DNAH3: variants seen among roughly 807,000 people sequenced by gnomAD.
DNAH3 encodes dynein axonemal heavy chain 3.
In DNAH3, 332 loss-of-function variants were observed where a neutral mutation model predicts 432.5. That is an observed-to-expected ratio of 0.77 (90% CI 0.70 to 0.84). The LOEUF is 0.84. DNAH3 is among the 40% of genes least tolerant of loss of function. The probability of loss-of-function intolerance (pLI) is 0.00; values close to 1 mark genes in which losing one functional copy is unlikely to be tolerated. For synonymous variants in DNAH3, 1,956 were observed against 1,900.2 expected, an observed-to-expected ratio of 1.03 and a Z score of -0.76; for missense variants, 4,861 against 5,114.0, an observed-to-expected ratio of 0.95 and a Z score of 1.51.
At chr16:21,138,899 A>G (rs1163138018) in intron 5 of DNAH3, among the ~76,000 whole-genome samples, 2 of 152,068 alleles carry the variant, frequency 1.3e-5, no homozygotes, top group Admixed American at 1.3e-4. Flanking sequence ...CCCTAAGCAC[A>G]TTGCTTAAAC....
chr16:21,085,059 G>A (rs545544516), intron 19 of DNAH3, among the ~76,000 whole-genome samples: 2 of 151,114 alleles, frequency 1.3e-5, no homozygotes, highest in South Asian at 2.1e-4. Context: ...CCTCCTCTGC[G>A]GATCCCTCTG....
chr16:21,151,321 G>GT (rs10578754), intron 1 of DNAH3, among the ~76,000 whole-genome samples: 2,336 of 128,360 alleles, frequency 0.018, 27 homozygotes, highest in African/African-American at 0.026. Flanking sequence ...GTTTTTCCCC[G>GT]TTTTTTTTTT....
intron 49 of DNAH3, among the ~76,000 whole-genome samples, chr16:20,981,251 T>C (rs907094589): frequency 6.6e-6 from 1 of 152,202 alleles, no homozygotes; most frequent in Non-Finnish European, 1.5e-5. Flanking sequence ...TTGGATGTCA[T>C]TGGAAATGAA....
At chr16:21,091,534 T>C (rs978238640) in intron 18 of DNAH3, among the ~76,000 whole-genome samples, 7 of 152,252 alleles carry the variant, frequency 4.6e-5, no homozygotes, top group African/African-American at 1.4e-4. Flanking sequence ...ATTAAAAGCA[T>C]AGCCCAGGCA....
chr16:20,941,430 GACGGT>G lies in DNAH3; in HGVS notation c.11620_11624del (p.Thr3874ProfsTer41). The G allele has an allele frequency of 6.2e-7, 1 of 1,613,974 alleles. No individual in the cohort carries two copies. The highest frequency in any genetic ancestry group is 8.5e-7 in the Non-Finnish European group (1 of 1,179,916). ...TGAATCTGATGAGCTCCTGCCTTAG[GACGGT>G]ATTCATGGATTCTTCATAGACCACG... On this transcript the variant is annotated frameshift_variant, in exon 59 of 62. Transcript: ENST00000261383. LOFTEE classifies it high-confidence loss of function.
rs199983612 is a variant in DNAH3 at position 21,145,309 on chromosome 16, C to T, written c.320G>A (p.Ser107Asn). 1.2e-4 allele frequency: 199 copies of T among 1,614,044 alleles called. 1 individual carries two copies. The highest frequency in any genetic ancestry group is 2.3e-5 in the Non-Finnish European group (27 of 1,180,042). The stretch of plus-strand genomic sequence containing the variant: ...GGAGTAGTTGTTGGCGATGGAATCA[C>T]TGGGTCCACGGTGGTGATGCTGTTC... Residue 107 changes from serine to asparagine, a missense_variant, in exon 3 of 62, where the codon AGT becomes AAT. Coordinates refer to ENST00000261383, the Ensembl canonical transcript of DNAH3.
At chr16:21,066,114 C>T (rs2090537738) in intron 24 of DNAH3, among the ~76,000 whole-genome samples, 1 of 151,974 alleles carries the variant, frequency 6.6e-6, no homozygotes, top group South Asian at 2.1e-4. Flanking sequence ...GCATAAGCCA[C>T]CGTGCTCAGT....
intron 30 of DNAH3, 33 bp downstream of exon 30, chr16:21,049,877 A>G (rs2089878837): frequency 6.4e-7 from 1 of 1,563,474 alleles, no homozygotes; most frequent in African/African-American, 1.4e-5. Context: ...GAGGGCCTGG[A>G]AGAGAGGGAG....
chr16:21,026,457 CTT>C (rs2088561087), intron 38 of DNAH3, among the ~76,000 whole-genome samples: 1 of 152,080 alleles, frequency 6.6e-6, no homozygotes, highest in Admixed American at 6.5e-5. Context: ...TAATTCCACA[CTT>C]TGGGAGGCTG....
At chr16:20,967,706 C>T (rs941539896) in intron 52 of DNAH3, among the ~76,000 whole-genome samples, 12 of 151,540 alleles carry the variant, frequency 7.9e-5, no homozygotes, top group Non-Finnish European at 4.4e-5. Flanking sequence ...CAGGATTTCA[C>T]CATGTTGGCC....
intron 27 of DNAH3, among the ~76,000 whole-genome samples, chr16:21,056,685 G>A (rs1220214110): frequency 1.3e-5 from 2 of 152,134 alleles, no homozygotes; most frequent in Admixed American, 6.5e-5. Context: ...GTCAACACCT[G>A]CTTCCTTTAG....
rs564366086 is a variant in DNAH3, at chr16:20,944,472, GC to G, written c.11511+23del. 1.1e-3 allele frequency: 1,808 copies of G among 1,612,948 alleles called. 21 individuals are homozygous for G. In the African/African-American group the frequency reaches 0.021, roughly 19 times the overall value. ...AGAACTGCCTGGGAAATAGGATTAA[GC>G]CCCCTTTCCCGAGCCCAGTTACCTG... On this transcript the variant is annotated intron_variant, in intron 58 of 61. Transcript: ENST00000261383.
At chr16:21,125,606 G>C (rs1028839918) in intron 8 of DNAH3, among the ~76,000 whole-genome samples, 1 of 152,210 alleles carries the variant, frequency 6.6e-6, no homozygotes, top group Admixed American at 6.5e-5. Flanking sequence ...CAAATGGAAA[G>C]GGGATATTGG....
chr16:21,088,379 T>A (rs1386355188), intron 18 of DNAH3, among the ~76,000 whole-genome samples: 1 of 152,136 alleles, frequency 6.6e-6, no homozygotes, highest in Non-Finnish European at 1.5e-5. Flanking sequence ...GTTCCCACTC[T>A]ATAGTTGTAA....
chr16:21,159,030 C>T (rs1217264068), intron 1 of DNAH3, among the ~76,000 whole-genome samples: 1 of 151,430 alleles, frequency 6.6e-6, no homozygotes, highest in Non-Finnish European at 1.5e-5. Flanking sequence ...ACACACACTA[C>T]CACTAGATTA....
rs749568373 is a variant in DNAH3 at position 21,054,513 on chromosome 16, C to T, written c.3946G>A (p.Asp1316Asn). ...AGCTGGACAATCTGCGCAATCTGAT[C>T]ATTGCTCTTTTTCAGAAAATCCTGG... The change falls in exon 28 of 62, where the codon GAT becomes AAT. Residue 1316 changes from aspartate (D) to asparagine (N), a missense_variant. Coordinates refer to ENST00000261383, the Ensembl canonical transcript of DNAH3. The T allele has an allele frequency of 1.1e-5, 18 of 1,613,946 alleles. No homozygotes were observed. The highest frequency in any genetic ancestry group is 1.6e-4 in the Middle Eastern group (1 of 6,084).
At chr16:20,964,201 C>T (rs757144861) in exon 53 of DNAH3, 1 of 1,614,160 alleles carries the variant, frequency 6.2e-7, no homozygotes, top group Non-Finnish European at 8.5e-7. Context: ...GTTCTTGGCA[C>T]TTTCCACAAT....
intron 12 of DNAH3, 145 bp downstream of exon 12, chr16:21,117,058 T>C (rs2092220731): frequency 3.4e-6 from 2 of 595,732 alleles, no homozygotes; most frequent in South Asian, 4.5e-5. Context: ...TGGGAATAAA[T>C]AGTAATACTC....
intron 44 of DNAH3, among the ~76,000 whole-genome samples, chr16:20,988,927 G>A (rs1339818300): frequency 6.6e-6 from 1 of 152,126 alleles, no homozygotes; most frequent in Admixed American, 6.5e-5. Context: ...CGGCATGTCT[G>A]GAGTTATTCG....
Sources: gnomAD v4.1 joint callset for allele counts (sites outside exome capture counted in the v4.1 genomes callset) on GRCh38, gnomAD v4.1.1 for gene constraint, MANE v1.5 for transcripts, NCBI Gene and HGNC (gene_info 2026-07-23, HGNC 2026-07-21) for gene names.